ELMO1: variants seen among roughly 807,000 people sequenced by gnomAD.
The protein encoded by ELMO1 is engulfment and cell motility 1.
In ELMO1, 26 loss-of-function variants were observed where a neutral mutation model predicts 98.9. The ratio of observed to expected loss-of-function variants is 0.26; its 90% CI spans 0.19 to 0.36. The LOEUF is 0.36. Ranked by LOEUF, ELMO1 falls within the 10% of genes least tolerant of loss-of-function variation. The probability of loss-of-function intolerance (pLI) is 1.00; values close to 1 mark genes in which losing one functional copy is unlikely to be tolerated. For missense variants in ELMO1, 627 were observed against 935.2 expected (o/e 0.67, Z 4.30); for synonymous variants, 346 against 346.0 (o/e 1.00, Z 0.00).
intron 1 of ELMO1, among the ~76,000 whole-genome samples, chr7:37,418,165 C>T (rs1248436118): frequency 6.6e-6 from 1 of 152,192 alleles, no homozygotes; most frequent in Non-Finnish European, 1.5e-5. Context: ...CATTTTCTTT[C>T]CACTTGACCT....
chr7:37,169,592 G>A (rs1397153672), intron 13 of ELMO1, among the ~76,000 whole-genome samples: 3 of 152,184 alleles, frequency 2.0e-5, no homozygotes, highest in Non-Finnish European at 2.9e-5. Flanking sequence ...GCATTCTAAC[G>A]AAGGGGATAA....
chr7:37,196,820 T>C (rs537422045), intron 13 of ELMO1, among the ~76,000 whole-genome samples: 67 of 152,330 alleles, frequency 4.4e-4, no homozygotes, highest in Non-Finnish European at 8.8e-4. Context: ...AAAATAGACA[T>C]AATAATCCTT....
At position 36,887,417 on chromosome 7, in the gene ELMO1, C is replaced by A. The variant is rs1805118869; in HGVS notation, c.1714+143G>T. 6.2e-6 allele frequency: 4 copies of A among 649,316 alleles called. No homozygotes were observed. In the South Asian group the frequency reaches 8.9e-5, roughly 14 times the overall value. The allele number at this position is 649,316 out of a possible 1,614,324, so 40.2% of individuals were successfully genotyped here. A position where few individuals can be genotyped will look rare whatever the true frequency, so the allele number is the denominator to read the frequency against. On this transcript the variant is annotated intron_variant, in intron 18 of 21. Coordinates refer to ENST00000310758, the MANE Select transcript of ELMO1 (RefSeq NM_014800.11). ...ATTCTCTCTGGGTGTGCATGGGAAC[C>A]AGAAACGACCTGGACTGCTATTCCT... is the stretch of plus-strand genomic sequence containing the variant.
chr7:37,129,320 G>T (rs531818372), intron 14 of ELMO1, among the ~76,000 whole-genome samples: 12 of 152,300 alleles, frequency 7.9e-5, no homozygotes, highest in Middle Eastern at 3.4e-3. Context: ...CATTAGCAAG[G>T]AGGCCACTAA....
At chr7:37,077,250 C>T (rs1366797659) in intron 15 of ELMO1, among the ~76,000 whole-genome samples, 4 of 152,088 alleles carry the variant, frequency 2.6e-5, no homozygotes, top group Non-Finnish European at 5.9e-5. Context: ...CTCAACAGGG[C>T]GAAGGGCAGG....
chr7:37,354,806 C>A, intron 1 of ELMO1, among the ~76,000 whole-genome samples: 1 of 152,328 alleles, frequency 6.6e-6, no homozygotes, highest in Middle Eastern at 3.4e-3. Flanking sequence ...AGTGCTGGAG[C>A]ATTTCCACCA....
At chr7:37,355,888 A>G (rs1247415028) in intron 1 of ELMO1, among the ~76,000 whole-genome samples, 1 of 152,244 alleles carries the variant, frequency 6.6e-6, no homozygotes, top group African/African-American at 2.4e-5. Context: ...GATCTGCCCC[A>G]CTATTACTGC....
chr7:37,266,211 T>G (rs1312099690), intron 5 of ELMO1, among the ~76,000 whole-genome samples: 1 of 152,064 alleles, frequency 6.6e-6, no homozygotes, highest in Admixed American at 6.6e-5. Context: ...CAACCCTTTA[T>G]TAGTTTCTCA....
intron 13 of ELMO1, among the ~76,000 whole-genome samples, chr7:37,154,319 C>G (rs1788576619): frequency 6.6e-6 from 1 of 152,138 alleles, no homozygotes; most frequent in Non-Finnish European, 1.5e-5. Context: ...ATGAGCTTGA[C>G]GAGCTGACAG....
chr7:36,945,189 C>T (rs1787373055), intron 16 of ELMO1, among the ~76,000 whole-genome samples: 1 of 152,132 alleles, frequency 6.6e-6, no homozygotes, highest in Non-Finnish European at 1.5e-5. Context: ...TGCACAAGGT[C>T]CATTATTGTC....
At chr7:37,409,950 T>A (rs1365351079) in intron 1 of ELMO1, among the ~76,000 whole-genome samples, 1 of 152,148 alleles carries the variant, frequency 6.6e-6, no homozygotes, top group Admixed American at 6.5e-5. Context: ...ATCATTATAA[T>A]CCCCATTTTG....
At chr7:37,351,579 T>C (rs537253495) in intron 1 of ELMO1, among the ~76,000 whole-genome samples, 4 of 152,350 alleles carry the variant, frequency 2.6e-5, no homozygotes, top group African/African-American at 7.2e-5. Context: ...CAGTTTCTGT[T>C]GAGTTTCCTA....
intron 4 of ELMO1, among the ~76,000 whole-genome samples, chr7:37,307,322 G>C (rs1211705366): frequency 6.6e-6 from 1 of 152,130 alleles, no homozygotes; most frequent in East Asian, 1.9e-4. Context: ...TGTTCTCACA[G>C]ACCTGATGGC....
chr7:37,214,711 A>G (rs1053081842), intron 11 of ELMO1, among the ~76,000 whole-genome samples: 2 of 152,190 alleles, frequency 1.3e-5, no homozygotes, highest in Non-Finnish European at 2.9e-5. Flanking sequence ...TTATCCTCCA[A>G]TCCTCAGAAA....
chr7:37,180,797 TGCACACACATATGC>T (rs1036284943), intron 13 of ELMO1, among the ~76,000 whole-genome samples: 3 of 123,486 alleles, frequency 2.4e-5, no homozygotes, highest in African/African-American at 1.0e-4. Flanking sequence ...TATGCACATA[TGCACACACATATGC>T]GCACACACAC....
intron 1 of ELMO1, among the ~76,000 whole-genome samples, chr7:37,426,414 C>G (rs544841968): frequency 6.6e-6 from 1 of 152,062 alleles, no homozygotes; most frequent in East Asian, 1.9e-4. Flanking sequence ...CTTGGCCTCT[C>G]AAAGTGCTGG....
chr7:37,293,971 C>G (rs575180842), intron 4 of ELMO1, among the ~76,000 whole-genome samples: 1 of 152,070 alleles, frequency 6.6e-6, no homozygotes, highest in South Asian at 2.1e-4. Context: ...GTTATTTGAA[C>G]TAAGAGTTAT....
At chr7:37,111,077 T>C (rs1404823247) in intron 14 of ELMO1, among the ~76,000 whole-genome samples, 1 of 152,234 alleles carries the variant, frequency 6.6e-6, no homozygotes, top group Non-Finnish European at 1.5e-5. Context: ...GGCCTCTCTC[T>C]TCCTGTCCAG....
At chr7:37,292,952 T>G (rs1583475388) in intron 4 of ELMO1, among the ~76,000 whole-genome samples, 1 of 48,376 alleles carries the variant, frequency 2.1e-5, no homozygotes. Context: ...AGCCGCCCCG[T>G]CCGGGAAGTG....
Sources: gnomAD v4.1 joint callset for allele counts (sites outside exome capture counted in the v4.1 genomes callset) on GRCh38, gnomAD v4.1.1 for gene constraint, MANE v1.5 for transcripts, NCBI Gene and HGNC (gene_info 2026-07-23, HGNC 2026-07-21) for gene names.